RIC8B: variants seen among roughly 807,000 people sequenced by gnomAD.
RIC8B encodes the protein chaperone Ric-8B.
Under a neutral mutation model 57.5 loss-of-function variants are expected in RIC8B, and 16 were observed. The ratio of observed to expected loss-of-function variants is 0.28; its 90% CI spans 0.19 to 0.42. The LOEUF is 0.42. Ranked by LOEUF, RIC8B falls within the 10% of genes least tolerant of loss-of-function variation. RIC8B has a pLI of 1.00. For missense variants in RIC8B, 481 were observed against 677.0 expected, an observed-to-expected ratio of 0.71 and a Z score of 3.21; for synonymous variants, 216 against 250.8, an observed-to-expected ratio of 0.86 and a Z score of 1.31.
chr12:106,823,515 T>C (rs2045950196), intron 3 of RIC8B: 2 of 451,100 alleles, frequency 4.4e-6, no homozygotes, highest in Admixed American at 2.4e-5. Context: ...TTTCCAAAAG[T>C]CTGTCAACAT....
At chr12:106,810,343 T>G (rs1174781957) in intron 2 of RIC8B, among the ~76,000 whole-genome samples, 1 of 150,006 alleles carries the variant, frequency 6.7e-6, no homozygotes, top group Admixed American at 6.6e-5. Flanking sequence ...AACCCAGGTA[T>G]TAAACTCCGG....
intron 9 of RIC8B, chr12:106,874,524 C>T (rs1228573785): frequency 1.3e-6 from 2 of 1,551,318 alleles, no homozygotes; most frequent in South Asian, 1.2e-5. Flanking sequence ...TGGTTAGCAA[C>T]AGTGGCCCGT....
At chr12:106,827,286 T>C (rs2046148520) in intron 4 of RIC8B, among the ~76,000 whole-genome samples, 1 of 152,332 alleles carries the variant, frequency 6.6e-6, no homozygotes, top group East Asian at 1.9e-4. Flanking sequence ...TGAATACAAA[T>C]GGCATTTTAA....
At chr12:106,790,186 T>C (rs2044208107) in intron 2 of RIC8B, among the ~76,000 whole-genome samples, 1 of 152,170 alleles carries the variant, frequency 6.6e-6, no homozygotes, top group African/African-American at 2.4e-5. Context: ...CAGCAGATTA[T>C]CTATTATGTG....
At chr12:106,880,733 C>T (rs577854533) in intron 9 of RIC8B, among the ~76,000 whole-genome samples, 3 of 152,110 alleles carry the variant, frequency 2.0e-5, no homozygotes, top group Non-Finnish European at 4.4e-5. Flanking sequence ...ATTTATGCCA[C>T]GTTTACTGAG....
intron 3 of RIC8B, among the ~76,000 whole-genome samples, chr12:106,822,052 T>C (rs989581124): frequency 2.6e-5 from 3 of 115,096 alleles, no homozygotes; most frequent in African/African-American, 3.5e-5. Flanking sequence ...CACTTCAGCC[T>C]GGGCGACAGA....
At chr12:106,848,213 A>G (rs1490034417) in intron 6 of RIC8B, among the ~76,000 whole-genome samples, 1 of 152,248 alleles carries the variant, frequency 6.6e-6, no homozygotes, top group Non-Finnish European at 1.5e-5. Context: ...AGCAAATTCA[A>G]AAGACCTGAG....
At chr12:106,885,849 T>C in intron 9 of RIC8B, 55 bp from the exon 10 acceptor site, 1 of 1,094,216 alleles carries the variant, frequency 9.1e-7, no homozygotes, top group Non-Finnish European at 1.4e-6. Flanking sequence ...GGGAGGGGTG[T>C]GTGTGTGATG....
At chr12:106,866,601 C>T (rs1206949805) in intron 8 of RIC8B, among the ~76,000 whole-genome samples, 1 of 152,092 alleles carries the variant, frequency 6.6e-6, no homozygotes, top group African/African-American at 2.4e-5. Context: ...TGCAAATTGT[C>T]TAGATTTAGC....
chr12:106,774,867 C>G (rs747050563), intron 1 of RIC8B, 38 bp downstream of exon 1: 1 of 1,464,986 alleles, frequency 6.8e-7, no homozygotes, highest in South Asian at 1.2e-5. Flanking sequence ...GTATCGCACC[C>G]CCGGGCCGCC....
intron 2 of RIC8B, among the ~76,000 whole-genome samples, chr12:106,806,580 C>T (rs1024083457): frequency 2.0e-5 from 3 of 152,066 alleles, no homozygotes; most frequent in East Asian, 1.9e-4. Context: ...GCCTGTAATC[C>T]CAGCACTTTG....
At chr12:106,866,068 C>CT in intron 8 of RIC8B, among the ~76,000 whole-genome samples, 1 of 152,186 alleles carries the variant, frequency 6.6e-6, no homozygotes, top group Non-Finnish European at 1.5e-5. Context: ...TTACATTGCT[C>CT]TTTTTTTCTC....
At chr12:106,871,034 T>G (rs1197594618) in intron 9 of RIC8B, 92 bp downstream of exon 9, 4 of 1,283,020 alleles carry the variant, frequency 3.1e-6, no homozygotes, top group South Asian at 3.3e-5. Context: ...ACAGCAACTC[T>G]GGAAATCCAT....
intron 4 of RIC8B, among the ~76,000 whole-genome samples, chr12:106,826,075 A>G (rs949475100): frequency 1.3e-5 from 2 of 152,244 alleles, no homozygotes; most frequent in African/African-American, 4.8e-5. Flanking sequence ...AAATGCCACA[A>G]ATAGTTACTG....
At chr12:106,808,939 A>C (rs2045195277) in intron 2 of RIC8B, among the ~76,000 whole-genome samples, 1 of 152,220 alleles carries the variant, frequency 6.6e-6, no homozygotes, top group Non-Finnish European at 1.5e-5. Flanking sequence ...ATTTTGTTTC[A>C]TAGCTAAAGC....
intron 4 of RIC8B, among the ~76,000 whole-genome samples, chr12:106,829,291 G>A (rs1207088844): frequency 6.6e-6 from 1 of 152,150 alleles, no homozygotes; most frequent in Non-Finnish European, 1.5e-5. Context: ...ACAAGCTTAT[G>A]CATAAATACT....
intron 7 of RIC8B, among the ~76,000 whole-genome samples, chr12:106,852,366 T>C (rs1949511643): frequency 6.6e-6 from 1 of 152,224 alleles, no homozygotes; most frequent in Non-Finnish European, 1.5e-5. Context: ...TTTTTTAAAG[T>C]ACCCCAGTTT....
intron 2 of RIC8B, among the ~76,000 whole-genome samples, chr12:106,798,385 A>G (rs1376948718): frequency 1.3e-5 from 2 of 152,162 alleles, no homozygotes; most frequent in East Asian, 3.9e-4. Context: ...GACTTACCCA[A>G]GATCAGAGTT....
intron 5 of RIC8B, 62 bp downstream of exon 5, chr12:106,842,879 A>C: frequency 2.1e-6 from 2 of 956,728 alleles, no homozygotes; most frequent in South Asian, 1.5e-5. Flanking sequence ...TGTGCCATAC[A>C]TACAGACACA....
Sources: allele counts gnomAD v4.1 joint callset (sites outside exome capture counted in the v4.1 genomes callset), GRCh38; gene constraint gnomAD v4.1.1; transcripts MANE v1.5; gene names NCBI Gene and HGNC (gene_info 2026-07-23, HGNC 2026-07-21).